The following MALRD1 variants were observed in gnomAD, a reference collection of about 807,000 sequenced individuals.
MALRD1 encodes MAM and LDL-receptor class A domain-containing protein 1.
MALRD1 carries 247 observed loss-of-function variants against 242.1 expected under a neutral mutation model. That is an observed-to-expected ratio of 1.02 (90% confidence interval 0.92 to 1.13). The LOEUF (loss-of-function observed/expected upper bound fraction) is 1.13, where lower values mean the gene tolerates loss of function less well. Ranked by LOEUF, MALRD1 falls within the 50% of genes most tolerant of loss-of-function variation. MALRD1 has a pLI of 0.00. For synonymous variants in MALRD1, 995 were observed against 866.6 expected (o/e 1.15, Z -2.60); for missense variants, 2,989 against 2,533.1 (o/e 1.18, Z -3.86).
intron 36 of MALRD1, among the ~76,000 whole-genome samples, chr10:19,648,352 C>T (rs988249956): frequency 2.0e-5 from 3 of 152,138 alleles, no homozygotes; most frequent in South Asian, 4.1e-4. Context: ...AAGGCCTATT[C>T]CATAGATCAT....
rs1198002324 is a variant in MALRD1, at chr10:19,103,405, C to CA, written c.598-568dup. The stretch of plus-strand genomic sequence containing the variant: ...TGAAACCCTGTCTCTACTAAAAATA[C>CA]AAAAAATTAGCCGGGCGCGGTGGTG... On this transcript the variant is annotated intron_variant, in intron 4 of 39. Transcript: ENST00000454679. Among the ~76,000 whole-genome samples the CA allele has an allele frequency of 4.0e-5, 6 of 151,374 alleles. No individual in the cohort carries two copies. In the East Asian group the frequency reaches 1.2e-3, roughly 30 times the overall value.
At chr10:19,349,863 T>C (rs545368736) in intron 25 of MALRD1, among the ~76,000 whole-genome samples, 29 of 152,244 alleles carry the variant, frequency 1.9e-4, no homozygotes, top group Non-Finnish European at 3.2e-4. Context: ...TTTCATACTG[T>C]AGTAACTAAG....
Position 19,387,577 on chromosome 10 carries a change from G to T in MALRD1, c.4491G>T (p.Arg1497Ser), listed in dbSNP as rs1846138272. ...AATGTCATAATGGAAAATGCTATAG[G>T]CTGGAACAAAGCTGTAACTTCGTAG... ...YRECHNGKCYRLEQSCNFVDN... is the reference protein window; with the variant it reads ...YRECHNGKCYSLEQSCNFVDN... The change falls in exon 27 of 40, where the codon AGG (arginine) becomes AGT (serine). Residue 1497 changes from arginine to serine, a missense_variant. Transcript: ENST00000454679. 1.9e-6 allele frequency: 3 copies of T among 1,550,406 alleles called. No homozygotes were observed. The highest frequency in any genetic ancestry group is 2.6e-6 in the Non-Finnish European group (3 of 1,146,866).
In MALRD1 at chr10:19,209,678, C is replaced by G; in HGVS notation, c.2989C>G (p.Gln997Glu). ...CAACATTTCCAGCAGGCAGCCCTTTCAGGTATGGATAATAGATTTTATAAT... is the reference window on the plus strand; with the variant it reads ...CAACATTTCCAGCAGGCAGCCCTTTGAGGTATGGATAATAGATTTTATAAT... The part of the protein sequence containing the change: ...HLNISSRQPF[Q>E]ILVEASVGDG... The change falls in exon 18 of 40, where the codon CAG becomes GAG. Residue 997 changes from glutamine to glutamate, a missense_variant and splice_region_variant. Coordinates refer to ENST00000454679, the MANE Select transcript of MALRD1 (RefSeq NM_001142308.3). The G allele has an allele frequency of 6.5e-7, 1 of 1,544,888 alleles. No individual in the cohort carries two copies. Among genetic ancestry groups the G allele is most frequent in the Non-Finnish European group, 8.7e-7 (1 of 1,144,062 alleles).
In MALRD1 at chr10:19,331,343, T is replaced by C. The variant is rs1030935342; in HGVS notation, c.3688-26T>C. The stretch of plus-strand genomic sequence containing the variant: ...GTTTTGAACTTCTTGATTGACAGTT[T>C]AACTGTAACTGGCTTTTTTTTTTAG... On this transcript the variant is annotated intron_variant, in intron 23 of 39. Coordinates refer to ENST00000454679, the MANE Select transcript of MALRD1 (RefSeq NM_001142308.3). 6.5e-6 allele frequency: 10 copies of C among 1,535,954 alleles called. No homozygotes were observed. In the African/African-American group the frequency reaches 1.4e-4, roughly 21 times the overall value.
chr10:19,484,707 T>C (rs953194322), intron 29 of MALRD1, among the ~76,000 whole-genome samples: 1 of 152,144 alleles, frequency 6.6e-6, no homozygotes, highest in Non-Finnish European at 1.5e-5. Flanking sequence ...AAAGGGAACA[T>C]TTATACACCA....
chr10:19,640,760 C>T (rs1840349099), intron 36 of MALRD1, among the ~76,000 whole-genome samples: 1 of 152,096 alleles, frequency 6.6e-6, no homozygotes, highest in South Asian at 2.1e-4. Context: ...TTCCTCCTTT[C>T]CCCTTTCTAC....
chr10:19,640,210 C>T (rs1840320599), intron 36 of MALRD1, among the ~76,000 whole-genome samples: 1 of 152,188 alleles, frequency 6.6e-6, no homozygotes, highest in African/African-American at 2.4e-5. Flanking sequence ...CTGCCTCAGC[C>T]TCCCAAGTAG....
At chr10:19,087,717 T>C (rs960623475) in intron 2 of MALRD1, 123 bp from the exon 3 acceptor site, 1 of 436,510 alleles carries the variant, frequency 2.3e-6, no homozygotes, top group African/African-American at 2.0e-5. Context: ...CACGCTCTTT[T>C]AGTTATTTTT....
intron 29 of MALRD1, among the ~76,000 whole-genome samples, chr10:19,481,061 A>G (rs985181623): frequency 6.6e-6 from 1 of 152,218 alleles, no homozygotes; most frequent in African/African-American, 2.4e-5. Flanking sequence ...AAGTATACAT[A>G]CAGTTTATGA....
rs1840725489 is a variant in MALRD1, at chr10:19,279,975, G to T, written c.3080-72G>T. On this transcript the variant is annotated intron_variant, in intron 19 of 39. Coordinates refer to ENST00000454679, the MANE Select transcript of MALRD1 (RefSeq NM_001142308.3). ...TGGGGCATATTTAGAAAGCTTCATT[G>T]TGTAAAATCTCTAAAGCAGTAGAAA... The T allele has an allele frequency of 2.5e-6, 3 of 1,212,336 alleles. No individual in the cohort carries two copies. The Admixed American group carries it at 1.0e-4, about 42-fold the overall frequency. 75.1% of individuals were successfully genotyped at this position (1,212,336 alleles called of 1,614,324 possible).
At chr10:19,578,520 C>T (rs541659721) in intron 33 of MALRD1, among the ~76,000 whole-genome samples, 2 of 152,130 alleles carry the variant, frequency 1.3e-5, no homozygotes, top group Non-Finnish European at 2.9e-5. Flanking sequence ...GGTGAAGTCC[C>T]GTCTCTACTA....
intron 33 of MALRD1, among the ~76,000 whole-genome samples, chr10:19,577,708 G>A (rs1021037579): frequency 7.9e-5 from 12 of 152,012 alleles, no homozygotes; most frequent in Admixed American, 3.3e-4. Context: ...GAATGATGAC[G>A]TTGGCCACAT....
At chr10:19,530,416 A>AG (rs1368904117) in intron 31 of MALRD1, among the ~76,000 whole-genome samples, 1 of 31,502 alleles carries the variant, frequency 3.2e-5, no homozygotes, top group Admixed American at 4.6e-4. Context: ...TATTTATATA[A>AG]TAATAAATAT....
chr10:19,136,267 G>A (rs1303834852), intron 9 of MALRD1, among the ~76,000 whole-genome samples: 2 of 151,902 alleles, frequency 1.3e-5, no homozygotes, highest in Non-Finnish European at 2.9e-5. Flanking sequence ...TTTATAGTTA[G>A]GTGGGATGCT....
chr10:19,332,077 G>T (rs1489585873), intron 24 of MALRD1, among the ~76,000 whole-genome samples: 1 of 151,988 alleles, frequency 6.6e-6, no homozygotes, highest in East Asian at 1.9e-4. Flanking sequence ...TGTTGGCCAG[G>T]ATGGTCTTGA....
At chr10:19,204,105 C>G (rs1485482180) in intron 15 of MALRD1, among the ~76,000 whole-genome samples, 1 of 152,134 alleles carries the variant, frequency 6.6e-6, no homozygotes, top group African/African-American at 2.4e-5. Context: ...TACCAATGGT[C>G]TTTGGTATCA....
At chr10:19,238,973 G>A (rs780652975) in intron 18 of MALRD1, among the ~76,000 whole-genome samples, 2 of 151,646 alleles carry the variant, frequency 1.3e-5, no homozygotes, top group African/African-American at 4.8e-5. Flanking sequence ...CTGATGGTTA[G>A]TGATGTTGAA....
intron 31 of MALRD1, among the ~76,000 whole-genome samples, chr10:19,505,421 G>A (rs750975415): frequency 5.9e-5 from 9 of 152,140 alleles, no homozygotes; most frequent in Non-Finnish European, 8.8e-5. Flanking sequence ...GAAACACCAG[G>A]AATCTTCAAG....
Sources: gnomAD v4.1 joint callset for allele counts (sites outside exome capture counted in the v4.1 genomes callset) on GRCh38, gnomAD v4.1.1 for gene constraint, MANE v1.5 for transcripts, NCBI Gene and HGNC (gene_info 2026-07-23, HGNC 2026-07-21) for gene names.